DIAPH3: variants seen among roughly 807,000 people sequenced by gnomAD.
DIAPH3 encodes the protein protein diaphanous homolog 3.
In DIAPH3, 117 loss-of-function variants were observed where a neutral mutation model predicts 144.3. The ratio of observed to expected loss-of-function variants is 0.81; its 90% CI spans 0.70 to 0.95. DIAPH3 has a LOEUF of 0.95. DIAPH3 is among the 40% of genes least tolerant of loss of function. The probability of loss-of-function intolerance (pLI) is 0.00; values close to 1 mark genes in which losing one functional copy is unlikely to be tolerated. For missense variants in DIAPH3, 1,421 were observed against 1,412.7 expected (o/e 1.01, Z -0.09); for synonymous variants, 519 against 488.9 (o/e 1.06, Z -0.81).
At chr13:60,021,239 T>G (rs1051691953) in intron 5 of DIAPH3, among the ~76,000 whole-genome samples, 4 of 152,204 alleles carry the variant, frequency 2.6e-5, no homozygotes, top group Non-Finnish European at 4.4e-5. Context: ...GATAGGAAAA[T>G]TACCCTAGTT....
chr13:59,988,816 T>C (rs1200621275), intron 12 of DIAPH3, among the ~76,000 whole-genome samples: 2 of 151,828 alleles, frequency 1.3e-5, no homozygotes, highest in Non-Finnish European at 2.9e-5. Flanking sequence ...TTACACATGG[T>C]AAGCCTTAAT....
At chr13:59,828,442 C>A (rs1375271439) in intron 24 of DIAPH3, among the ~76,000 whole-genome samples, 1 of 151,846 alleles carries the variant, frequency 6.6e-6, no homozygotes, top group Non-Finnish European at 1.5e-5. Context: ...CAAAAACACT[C>A]TTAAAAATTA....
Position 59,833,288 on chromosome 13 carries a change from G to T in DIAPH3, c.2863-17C>A, listed in dbSNP as rs764928033. The T allele has an allele frequency of 1.3e-6, 2 of 1,594,002 alleles. No individual in the cohort carries two copies. Among genetic ancestry groups the T allele is most frequent in the Non-Finnish European group, 8.6e-7 (1 of 1,166,550 alleles). On this transcript the variant is annotated splice_polypyrimidine_tract_variant and intron_variant, in intron 23 of 27. Coordinates refer to ENST00000400324, the MANE Select transcript of DIAPH3 (RefSeq NM_001042517.2). ...AACAAATCTGTATACTATAGTTAAGGTATTCTGAAATTTACAAAGTAATGC... is the reference window on the plus strand; with the variant it reads ...AACAAATCTGTATACTATAGTTAAGTTATTCTGAAATTTACAAAGTAATGC...
intron 25 of DIAPH3, among the ~76,000 whole-genome samples, chr13:59,796,276 A>G (rs2039596229): frequency 6.6e-6 from 1 of 152,206 alleles, no homozygotes; most frequent in Non-Finnish European, 1.5e-5. Context: ...AACCTCGATC[A>G]CGGGAGGCCA....
intron 12 of DIAPH3, among the ~76,000 whole-genome samples, chr13:59,988,545 T>C (rs188556389): frequency 1.3e-4 from 20 of 151,886 alleles, no homozygotes; most frequent in Non-Finnish European, 4.4e-5. Flanking sequence ...GGGGAGGCAA[T>C]ACTATCAAAG....
intron 25 of DIAPH3, among the ~76,000 whole-genome samples, chr13:59,804,962 CTTAG>C (rs1303423828): frequency 6.6e-6 from 1 of 152,060 alleles, no homozygotes; most frequent in Non-Finnish European, 1.5e-5. Flanking sequence ...GGCCTAATTG[CTTAG>C]TTATTCTAAA....
chr13:59,893,337 G>T (rs2045918156), intron 20 of DIAPH3, among the ~76,000 whole-genome samples: 1 of 151,998 alleles, frequency 6.6e-6, no homozygotes, highest in African/African-American at 2.4e-5. Context: ...AACAAAAGAG[G>T]GATTATGAGA....
At chr13:59,758,995 T>C (rs1352064638) in intron 27 of DIAPH3, among the ~76,000 whole-genome samples, 1 of 149,922 alleles carries the variant, frequency 6.7e-6, no homozygotes, top group African/African-American at 2.4e-5. Flanking sequence ...TCTCACTATA[T>C]TGCCCAGGCT....
At chr13:59,834,491 C>T (rs2041941838) in intron 23 of DIAPH3, among the ~76,000 whole-genome samples, 1 of 151,614 alleles carries the variant, frequency 6.6e-6, no homozygotes, top group Non-Finnish European at 1.5e-5. Context: ...TATGGTTCTT[C>T]TGGCCAGAAC....
At chr13:60,163,507 A>G in intron 1 of DIAPH3, 80 bp downstream of exon 1, 3 of 1,566,642 alleles carry the variant, frequency 1.9e-6, no homozygotes, top group Non-Finnish European at 1.7e-6. Context: ...TTGGTCCCCA[A>G]GTTCTTGTGG....
chr13:59,885,280 A>G (rs2045360233), intron 20 of DIAPH3, among the ~76,000 whole-genome samples: 1 of 152,052 alleles, frequency 6.6e-6, no homozygotes, highest in African/African-American at 2.4e-5. Flanking sequence ...AAACCCCAGA[A>G]TCATATTAGT....
chr13:60,048,965 A>T (rs1293312684), intron 4 of DIAPH3, among the ~76,000 whole-genome samples: 1 of 152,220 alleles, frequency 6.6e-6, no homozygotes, highest in South Asian at 2.1e-4. Context: ...GGAGGAAAAA[A>T]ATGAAAAAAA....
Position 59,992,246 on chromosome 13 carries a change from A to AT in DIAPH3, c.1126-61_1126-60insA, listed in dbSNP as rs2051872640. ...TTTGTTTTTAATTATGCAAAAGAAT[A>AT]AAAAACATATAAACAATAAACCAAC... On this transcript the variant is annotated intron_variant, in intron 10 of 27. Coordinates refer to ENST00000400324, the MANE Select transcript of DIAPH3 (RefSeq NM_001042517.2). The AT allele has an allele frequency of 2.9e-6, 4 of 1,382,566 alleles. No homozygotes were observed. The South Asian group carries it at 4.8e-5, about 17-fold the overall frequency. 85.6% of individuals were successfully genotyped at this position (1,382,566 alleles called of 1,614,324 possible). A position where few individuals can be genotyped will look rare whatever the true frequency, so the allele number is the denominator to read the frequency against.
chr13:60,139,506 C>G (rs985734899), intron 1 of DIAPH3, among the ~76,000 whole-genome samples: 3 of 152,148 alleles, frequency 2.0e-5, no homozygotes, highest in Non-Finnish European at 4.4e-5. Context: ...CCCTCAATTC[C>G]TCCATCGTGA....
At chr13:60,130,995 G>T (rs2059123869) in intron 2 of DIAPH3, among the ~76,000 whole-genome samples, 1 of 151,998 alleles carries the variant, frequency 6.6e-6, no homozygotes, top group Non-Finnish European at 1.5e-5. Context: ...TAAAACTTAA[G>T]GTAAAGATCG....
intron 25 of DIAPH3, among the ~76,000 whole-genome samples, chr13:59,794,653 C>G (rs2039496830): frequency 1.3e-5 from 2 of 152,104 alleles, no homozygotes; most frequent in Admixed American, 1.3e-4. Flanking sequence ...TGATCACTAT[C>G]TAATCCACTA....
chr13:59,770,406 C>A (rs1350213978), intron 27 of DIAPH3, among the ~76,000 whole-genome samples: 3 of 152,130 alleles, frequency 2.0e-5, no homozygotes, highest in African/African-American at 7.2e-5. Context: ...AGATATGCTC[C>A]TTTATGCCTT....
At chr13:59,690,040 G>A (rs566984944) in intron 27 of DIAPH3, among the ~76,000 whole-genome samples, 2 of 152,148 alleles carry the variant, frequency 1.3e-5, no homozygotes, top group South Asian at 4.1e-4. Context: ...ATTAACTCAT[G>A]TGTTTTCGAC....
intron 2 of DIAPH3, 72 bp from the exon 3 acceptor site, chr13:60,112,258 G>GA: frequency 3.9e-6 from 6 of 1,557,374 alleles, no homozygotes; most frequent in Non-Finnish European, 5.3e-6. Context: ...TCAAAAATGA[G>GA]AAAAACAAAG....
Sources: gnomAD v4.1 joint callset for allele counts (sites outside exome capture counted in the v4.1 genomes callset) on GRCh38, gnomAD v4.1.1 for gene constraint, MANE v1.5 for transcripts, NCBI Gene and HGNC (gene_info 2026-07-23, HGNC 2026-07-21) for gene names.